The following PLXNA4 variants were observed in gnomAD, a reference collection of about 807,000 sequenced individuals.
PLXNA4 encodes plexin A4.
A neutral mutation model predicts 191.8 loss-of-function variants in PLXNA4; 44 were observed. The observed-to-expected ratio is 0.23, with a 90% CI of 0.18 to 0.29. The LOEUF (loss-of-function observed/expected upper bound fraction) is 0.29. PLXNA4 is among the 10% of genes least tolerant of loss of function. The pLI, the probability that PLXNA4 is intolerant of heterozygous loss-of-function variation, is 1.00. For missense variants in PLXNA4, 1,800 were observed against 2,488.8 expected, an observed-to-expected ratio of 0.72 and a Z score of 5.89; for synonymous variants, 1,082 against 1,009.5, an observed-to-expected ratio of 1.07 and a Z score of -1.36.
Position 132,318,899 on chromosome 7 carries a change from A to G in PLXNA4, c.1372-20677T>C, listed in dbSNP as rs528829678. Among the ~76,000 whole-genome samples the G allele has an allele frequency of 7.1e-4, 108 of 152,120 alleles. 7 individuals are homozygous for G. In the South Asian group the frequency reaches 0.022, roughly 30 times the overall value. On this transcript the variant is annotated intron_variant, in intron 3 of 31. Coordinates refer to ENST00000321063, the MANE Select transcript of PLXNA4 (RefSeq NM_020911.2). ...TTAACAAGTGTGGACTCTCTGTTGAATTCTGCATTTTCTCCTGCAGCCAGC... is the reference window on the plus strand; with the variant it reads ...TTAACAAGTGTGGACTCTCTGTTGAGTTCTGCATTTTCTCCTGCAGCCAGC...
At chr7:132,620,689 T>C (rs1803242901) in intron 2 of PLXNA4, among the ~76,000 whole-genome samples, 1 of 152,230 alleles carries the variant, frequency 6.6e-6, no homozygotes, top group Non-Finnish European at 1.5e-5. Context: ...ATAAATGATG[T>C]AATAGGATAC....
intron 3 of PLXNA4, among the ~76,000 whole-genome samples, chr7:132,351,413 C>A (rs1484747863): frequency 6.6e-6 from 1 of 152,152 alleles, no homozygotes; most frequent in East Asian, 1.9e-4. Context: ...ATTCAAAGTT[C>A]CATAAAGCGG....
chr7:132,319,864 C>T (rs892483966), intron 3 of PLXNA4, among the ~76,000 whole-genome samples: 8 of 152,236 alleles, frequency 5.3e-5, no homozygotes, highest in African/African-American at 1.9e-4. Flanking sequence ...CTCCTATGCT[C>T]TCCACTTGCT....
At chr7:132,217,590 C>T (rs533545109) in intron 9 of PLXNA4, among the ~76,000 whole-genome samples, 3 of 152,258 alleles carry the variant, frequency 2.0e-5, no homozygotes, top group Non-Finnish European at 4.4e-5. Flanking sequence ...CCAGCCCTAA[C>T]CCCAACCAAC....
At chr7:132,393,637 G>C (rs1347404417) in intron 3 of PLXNA4, among the ~76,000 whole-genome samples, 1 of 152,198 alleles carries the variant, frequency 6.6e-6, no homozygotes, top group Non-Finnish European at 1.5e-5. Flanking sequence ...GCAAGACATA[G>C]TCCCGGCTCT....
At chr7:132,323,573 G>A (rs534793230) in intron 3 of PLXNA4, among the ~76,000 whole-genome samples, 2 of 152,012 alleles carry the variant, frequency 1.3e-5, no homozygotes, top group East Asian at 3.9e-4. Context: ...TCTTCCTCCT[G>A]CTCCACGGCT....
intron 3 of PLXNA4, among the ~76,000 whole-genome samples, chr7:132,454,527 T>A (rs1236993430): frequency 1.3e-5 from 2 of 152,024 alleles, no homozygotes; most frequent in African/African-American, 4.8e-5. Context: ...AAGGACGTTG[T>A]TCTGAGCTGA....
At chr7:132,164,014 G>C in intron 24 of PLXNA4, 128 bp downstream of exon 24, 1 of 1,440,806 alleles carries the variant, frequency 6.9e-7, no homozygotes, top group Non-Finnish European at 9.3e-7. Context: ...ACCTGGCTGG[G>C]CCCACACAGC....
At chr7:132,603,576 C>T (rs1265192602) in intron 2 of PLXNA4, among the ~76,000 whole-genome samples, 1 of 152,200 alleles carries the variant, frequency 6.6e-6, no homozygotes, top group Non-Finnish European at 1.5e-5. Flanking sequence ...GGCCAGGATT[C>T]AGTCTCACAG....
rs1011555266 is a variant in PLXNA4, at chr7:132,127,889, AACAATAATC to A, written c.*2581_*2589del. The A allele has an allele frequency of 6.4e-5, 3 of 47,016 alleles. No homozygotes were observed. The highest frequency in any genetic ancestry group is 1.6e-3 in the East Asian group (1 of 642). 2.9% of individuals were successfully genotyped at this position (47,016 alleles called of 1,614,324 possible). ...AGTCCTGTACCGCCAAAGTAACAAT[AACAATAATC>A]ATCATCCAGTAAAAAATAAAAGCTT... On this transcript the variant is annotated 3_prime_UTR_variant, in exon 32 of 32. Transcript: ENST00000321063.
At chr7:132,210,849 C>A (rs1797775716) in intron 10 of PLXNA4, 94 bp downstream of exon 10, 1 of 1,399,598 alleles carries the variant, frequency 7.1e-7, no homozygotes, top group Admixed American at 1.8e-5. Flanking sequence ...GAGGAAACGA[C>A]TGCAGGGCTG....
intron 4 of PLXNA4, among the ~76,000 whole-genome samples, chr7:132,241,930 T>C (rs1024266244): frequency 2.6e-5 from 4 of 152,224 alleles, no homozygotes; most frequent in Admixed American, 1.3e-4. Flanking sequence ...ACATTTTTGC[T>C]TAGCCCAAAT....
At chr7:132,276,848 G>A (rs1328209246) in intron 4 of PLXNA4, among the ~76,000 whole-genome samples, 1 of 152,160 alleles carries the variant, frequency 6.6e-6, no homozygotes, top group Non-Finnish European at 1.5e-5. Context: ...TCTGAAATGA[G>A]TCCTCTGTGT....
At chr7:132,471,354 T>C (rs1210440507) in intron 3 of PLXNA4, among the ~76,000 whole-genome samples, 7 of 152,194 alleles carry the variant, frequency 4.6e-5, no homozygotes, top group Non-Finnish European at 8.8e-5. Flanking sequence ...TAGACCGTTG[T>C]GTGTGTTGTG....
chr7:132,315,095 C>T (rs1801893730), intron 3 of PLXNA4, among the ~76,000 whole-genome samples: 1 of 152,180 alleles, frequency 6.6e-6, no homozygotes, highest in Non-Finnish European at 1.5e-5. Flanking sequence ...CTTGACTTTT[C>T]CATTTGGCAC....
At chr7:132,181,980 GT>G (rs889176654) in intron 17 of PLXNA4, 116 bp downstream of exon 17, 1 of 1,521,846 alleles carries the variant, frequency 6.6e-7, no homozygotes, top group African/African-American at 1.4e-5. Flanking sequence ...GTGTCAGGCT[GT>G]GGGTTATCAG....
chr7:132,549,485 A>T (rs1585316896), intron 1 of PLXNA4, among the ~76,000 whole-genome samples: 2 of 152,348 alleles, frequency 1.3e-5, no homozygotes, highest in Middle Eastern at 3.4e-3. Context: ...ACTTAAAAAA[A>T]ATCCTGGGTC....
At chr7:132,461,512 A>G (rs1428460208) in intron 3 of PLXNA4, among the ~76,000 whole-genome samples, 1 of 152,222 alleles carries the variant, frequency 6.6e-6, no homozygotes, top group East Asian at 1.9e-4. Context: ...AATGATAATA[A>G]TAATAGTGAT....
chr7:132,617,203 C>T (rs1041081601), intron 2 of PLXNA4, among the ~76,000 whole-genome samples: 1 of 152,294 alleles, frequency 6.6e-6, no homozygotes, highest in Non-Finnish European at 1.5e-5. Context: ...AGGCTTGCTC[C>T]CTCCCAGCTG....
Sources: allele counts gnomAD v4.1 joint callset (sites outside exome capture counted in the v4.1 genomes callset), GRCh38; gene constraint gnomAD v4.1.1; transcripts MANE v1.5; gene names NCBI Gene and HGNC (gene_info 2026-07-23, HGNC 2026-07-21).